The following PACC1 variants were observed in gnomAD, a reference collection of about 807,000 sequenced individuals.
PACC1 encodes the protein proton-activated chloride channel.
A neutral mutation model predicts 39.7 loss-of-function variants in PACC1; 34 were observed. The ratio of observed to expected loss-of-function variants is 0.86; its 90% confidence interval spans 0.65 to 1.14. PACC1 has a LOEUF of 1.14. PACC1 is among the 50% of genes most tolerant of loss of function. The probability of loss-of-function intolerance (pLI) is 0.00; values close to 1 mark genes in which losing one functional copy is unlikely to be tolerated. For synonymous variants in PACC1, 127 were observed against 160.6 expected (o/e 0.79, Z 1.58); for missense variants, 379 against 436.4 (o/e 0.87, Z 1.17).
At chr1:212,393,830 A>C (rs2102514900) in intron 2 of PACC1, among the ~76,000 whole-genome samples, 1 of 152,318 alleles carries the variant, frequency 6.6e-6, no homozygotes, top group African/African-American at 2.4e-5. Flanking sequence ...TAAACTAGAA[A>C]ATCTAGAAGA....
rs556913454 is a variant in PACC1, at chr1:212,377,379, GCA to G, written c.783+181_783+182del. Reference sequence around the variant, plus strand: ...GCCGGTATGTGCGCTGCCTGCAGAAGCACACACAGACTCCCTGGCATAGCATA... The same window carrying G: ...GCCGGTATGTGCGCTGCCTGCAGAAGCACACAGACTCCCTGGCATAGCATA... On this transcript the variant is annotated intron_variant, in intron 6 of 7. Transcript: ENST00000261455. Among the ~76,000 whole-genome samples the G allele has an allele frequency of 8.6e-4, 131 of 152,320 alleles. 2 individuals are homozygous for G. The highest frequency in any genetic ancestry group is 3.0e-3 in the African/African-American group (126 of 41,584).
At chr1:212,408,515 C>T (rs1245008101) in intron 2 of PACC1, among the ~76,000 whole-genome samples, 1 of 152,042 alleles carries the variant, frequency 6.6e-6, no homozygotes, top group African/African-American at 2.4e-5. Flanking sequence ...CATGTGCCAC[C>T]ACACCTGGCT....
chr1:212,372,144 G>C (rs904523429), intron 7 of PACC1, among the ~76,000 whole-genome samples: 4 of 151,906 alleles, frequency 2.6e-5, no homozygotes, highest in African/African-American at 7.2e-5. Flanking sequence ...AATTAGCTGG[G>C]CATGGTGATG....
At chr1:212,393,576 TAACTA>T (rs1661404989) in intron 2 of PACC1, among the ~76,000 whole-genome samples, 1 of 151,902 alleles carries the variant, frequency 6.6e-6, no homozygotes, top group South Asian at 2.1e-4. Context: ...AGGCAAGAAA[TAACTA>T]AGATCAGAGC....
At chr1:212,395,754 A>G (rs1221415846) in intron 2 of PACC1, among the ~76,000 whole-genome samples, 1 of 152,074 alleles carries the variant, frequency 6.6e-6, no homozygotes, top group African/African-American at 2.4e-5. Flanking sequence ...AAAAAAAACA[A>G]CCCCATCAAC....
At chr1:212,372,749 C>A (rs1055738885) in intron 7 of PACC1, among the ~76,000 whole-genome samples, 2 of 151,914 alleles carry the variant, frequency 1.3e-5, no homozygotes, top group Admixed American at 6.6e-5. Context: ...AAAAAGAGAG[C>A]AATCCCATTT....
intron 4 of PACC1, among the ~76,000 whole-genome samples, chr1:212,383,096 A>G (rs897452198): frequency 2.9e-4 from 44 of 152,182 alleles, no homozygotes; most frequent in Admixed American, 1.9e-3. Context: ...TAGGGAGGAG[A>G]TAACTTCTCT....
chr1:212,381,687 C>A (rs1003431425), intron 4 of PACC1, among the ~76,000 whole-genome samples: 2 of 91,668 alleles, frequency 2.2e-5, no homozygotes, highest in African/African-American at 6.6e-5. Context: ...GACACACACA[C>A]ACACACTGCA....
intron 2 of PACC1, among the ~76,000 whole-genome samples, chr1:212,397,429 G>C (rs764546087): frequency 1.1e-4 from 16 of 152,194 alleles, no homozygotes; most frequent in Non-Finnish European, 1.9e-4. Context: ...TTTGATAGCA[G>C]ATTTCAAATA....
At chr1:212,376,026 C>T (rs767036504) in intron 6 of PACC1, among the ~76,000 whole-genome samples, 5 of 152,150 alleles carry the variant, frequency 3.3e-5, no homozygotes, top group Non-Finnish European at 5.9e-5. Flanking sequence ...TTGTTTCAAC[C>T]CTTCAAGTTT....
chr1:212,395,561 A>G (rs1661482912), intron 2 of PACC1, among the ~76,000 whole-genome samples: 1 of 152,162 alleles, frequency 6.6e-6, no homozygotes, highest in Non-Finnish European at 1.5e-5. Context: ...CAAAAGCAAT[A>G]GCAACAAAAG....
In PACC1 at chr1:212,387,100, C is replaced by T. The variant is rs149933632; in HGVS notation, c.134G>A (p.Gly45Asp). 1.2e-6 allele frequency: 2 copies of T among 1,613,512 alleles called. No homozygotes were observed. The highest frequency in any genetic ancestry group is 1.3e-5 in the African/African-American group (1 of 75,020). Reference sequence around the variant, plus strand: ...GCTGGAGGCGGACTCGCTGTCCAGGCCTGACAACAACAAAACACCATGTGA... The same window carrying T: ...GCTGGAGGCGGACTCGCTGTCCAGGTCTGACAACAACAAAACACCATGTGA... Reference protein sequence around the residue: ...VRVQGPGILPGLDSESASSSI... With the variant: ...VRVQGPGILPDLDSESASSSI... Residue 45 changes from glycine to aspartate, a missense_variant and splice_region_variant, in exon 3 of 8, where the codon GGC becomes GAC. Physicochemically the swap from Gly to Asp is moderately conservative, Grantham distance 94. Transcript: ENST00000261455.
intron 2 of PACC1, among the ~76,000 whole-genome samples, chr1:212,392,231 T>C (rs1196438245): frequency 6.6e-6 from 1 of 152,248 alleles, no homozygotes; most frequent in African/African-American, 2.4e-5. Flanking sequence ...CCCATCAGAC[T>C]AACAGCTGAT....
rs114283390 is a variant in PACC1 at position 212,380,468 on chromosome 1, G to A, written c.496-431C>T. Among the ~76,000 whole-genome samples, 406 of 152,254 alleles carry A rather than the reference G, an allele frequency of 2.7e-3. 3 individuals carry two copies. Among genetic ancestry groups the A allele is most frequent in the Non-Finnish European group, 3.8e-3 (260 of 68,030 alleles). On this transcript the variant is annotated intron_variant, in intron 4 of 7. Transcript: ENST00000261455. Reference sequence around the variant, plus strand: ...ACGGCTTTGGGTTTTGCTTGCTGAGGAAAGCCAAAATTATATCAATATTCT... The same window carrying A: ...ACGGCTTTGGGTTTTGCTTGCTGAGAAAAGCCAAAATTATATCAATATTCT...
intron 2 of PACC1, among the ~76,000 whole-genome samples, chr1:212,388,370 C>A (rs1424090455): frequency 6.6e-6 from 1 of 152,150 alleles, no homozygotes; most frequent in Non-Finnish European, 1.5e-5. Flanking sequence ...ACTCTGTCTC[C>A]CCTACCTCCC....
chr1:212,405,631 A>T (rs551193070), intron 2 of PACC1, among the ~76,000 whole-genome samples: 6 of 152,204 alleles, frequency 3.9e-5, no homozygotes, highest in African/African-American at 1.4e-4. Flanking sequence ...TGCTACAGGG[A>T]GGGGAGAATT....
At chr1:212,385,050 G>A (rs904252243) in intron 4 of PACC1, among the ~76,000 whole-genome samples, 2 of 152,324 alleles carry the variant, frequency 1.3e-5, no homozygotes, top group East Asian at 3.9e-4. Flanking sequence ...AGGAATCCCT[G>A]AGCATTACTC....
chr1:212,393,444 G>A (rs1661400429), intron 2 of PACC1, among the ~76,000 whole-genome samples: 1 of 152,186 alleles, frequency 6.6e-6, no homozygotes, highest in Non-Finnish European at 1.5e-5. Context: ...GCAGTGTGTA[G>A]AGGGAAATTT....
At chr1:212,410,556 A>G (rs1323554819) in intron 1 of PACC1, 35 bp from the exon 2 acceptor site, 1 of 1,585,540 alleles carries the variant, frequency 6.3e-7, no homozygotes, top group South Asian at 1.1e-5. Context: ...AAGACAAGTC[A>G]GCTATGTCAG....
Sources: gnomAD v4.1 joint callset for allele counts (sites outside exome capture counted in the v4.1 genomes callset) on GRCh38, gnomAD v4.1.1 for gene constraint, MANE v1.5 for transcripts, NCBI Gene and HGNC (gene_info 2026-07-23, HGNC 2026-07-21) for gene names.